TRAPPC8: variants seen among roughly 807,000 people sequenced by gnomAD.
TRAPPC8 encodes the protein trafficking protein particle complex subunit 8.
Under a neutral mutation model 174.3 loss-of-function variants are expected in TRAPPC8, and 54 were observed. That is an observed-to-expected ratio of 0.31 (90% CI 0.25 to 0.39). The LOEUF (loss-of-function observed/expected upper bound fraction) is 0.39. Ranked by LOEUF, TRAPPC8 falls within the 10% of genes least tolerant of loss-of-function variation. The probability of loss-of-function intolerance (pLI) is 1.00; values close to 1 mark genes in which losing one functional copy is unlikely to be tolerated. For synonymous variants in TRAPPC8, 630 were observed against 579.9 expected, an observed-to-expected ratio of 1.09 and a Z score of -1.24; for missense variants, 1,531 against 1,699.1, an observed-to-expected ratio of 0.90 and a Z score of 1.74.
At chr18:31,863,697 C>G (rs1212120070) in intron 19 of TRAPPC8, among the ~76,000 whole-genome samples, 2 of 152,044 alleles carry the variant, frequency 1.3e-5, no homozygotes, top group Non-Finnish European at 2.9e-5. Flanking sequence ...CTTGTAAACC[C>G]CCTACTAGAA....
At chr18:31,911,871 CAA>C (rs35950290) in intron 5 of TRAPPC8, among the ~76,000 whole-genome samples, 28 of 93,686 alleles carry the variant, frequency 3.0e-4, no homozygotes, top group Admixed American at 2.5e-4. Flanking sequence ...GATCCTGTCT[CAA>C]AAAAAAAAAA....
At chr18:31,921,339 C>A (rs1028502872) in intron 2 of TRAPPC8, among the ~76,000 whole-genome samples, 1 of 152,112 alleles carries the variant, frequency 6.6e-6, no homozygotes, top group Non-Finnish European at 1.5e-5. Flanking sequence ...TTAGGTCAGG[C>A]ACGGTGGCTC....
intron 5 of TRAPPC8, among the ~76,000 whole-genome samples, chr18:31,910,685 G>A (rs1245093734): frequency 2.0e-5 from 3 of 152,282 alleles, no homozygotes; most frequent in Non-Finnish European, 4.4e-5. Flanking sequence ...GCAGTCATTC[G>A]TAAGTTTAAA....
intron 1 of TRAPPC8, among the ~76,000 whole-genome samples, chr18:31,940,887 A>C (rs1224691315): frequency 6.6e-6 from 1 of 152,216 alleles, no homozygotes; most frequent in Non-Finnish European, 1.5e-5. Context: ...AAATACTGTC[A>C]GGAGATAAGA....
rs776283026 is a variant in TRAPPC8 at position 31,874,477 on chromosome 18, C to T, written c.1953+3G>A. 1.2e-6 allele frequency: 2 copies of T among 1,612,780 alleles called. No individual in the cohort carries two copies. The highest frequency in any genetic ancestry group is 1.7e-6 in the Non-Finnish European group (2 of 1,179,092). Reference sequence around the variant, plus strand: ...CTATTCCTGAATGAAAATAAGCAGTCACCTTGTAAACATAAAGATATTCTC... The same window carrying T: ...CTATTCCTGAATGAAAATAAGCAGTTACCTTGTAAACATAAAGATATTCTC... On this transcript the variant is annotated splice_donor_region_variant and intron_variant, in intron 13 of 28. Transcript: ENST00000283351.
chr18:31,839,203 C>A (rs1057272405), intron 27 of TRAPPC8, 109 bp downstream of exon 27: 1 of 1,099,594 alleles, frequency 9.1e-7, no homozygotes, highest in Non-Finnish European at 1.3e-6. Context: ...CAAAAACATT[C>A]TAAATTTCCT....
intron 1 of TRAPPC8, among the ~76,000 whole-genome samples, chr18:31,936,878 G>C (rs1160422990): frequency 7.1e-6 from 1 of 140,084 alleles, no homozygotes; most frequent in East Asian, 2.1e-4. Context: ...CTGCAGTCTG[G>C]GTGACAGAGC....
At chr18:31,858,206 G>A (rs2034135510) in intron 19 of TRAPPC8, among the ~76,000 whole-genome samples, 5 of 152,076 alleles carry the variant, frequency 3.3e-5, no homozygotes, top group Middle Eastern at 3.4e-3. Context: ...CTAGACTTAT[G>A]AATTAAAGGT....
chr18:31,887,517 G>C (rs888818001), intron 12 of TRAPPC8, among the ~76,000 whole-genome samples: 6 of 151,952 alleles, frequency 3.9e-5, no homozygotes, highest in African/African-American at 1.5e-4. Context: ...GTGATGGCAG[G>C]TGCCTGTAAC....
intron 27 of TRAPPC8, chr18:31,833,393 G>A (rs982772587): frequency 6.6e-6 from 1 of 152,114 alleles, no homozygotes; most frequent in Non-Finnish European, 1.5e-5. Flanking sequence ...CCAGCAAACT[G>A]TAAGTATCAT....
At position 31,880,121 on chromosome 18, in the gene TRAPPC8, A is replaced by AT. The variant is rs56728828; in HGVS notation, c.1729-5418dup. 5.1e-3 allele frequency among the ~76,000 whole-genome samples: 351 copies of AT among 69,052 alleles called. 4 individuals carry two copies. The highest frequency in any genetic ancestry group is 0.014 in the African/African-American group (236 of 16,872). The allele number at this position is 69,052 out of a possible 152,430, so 45.3% of individuals were successfully genotyped here. A position where few individuals can be genotyped will look rare whatever the true frequency, so the allele number is the denominator to read the frequency against. On this transcript the variant is annotated intron_variant, in intron 12 of 28. Coordinates refer to ENST00000283351, the MANE Select transcript of TRAPPC8 (RefSeq NM_014939.5). ...TATATATATATATATATATATATAT[A>AT]TTTTTTTTTTTTTAAGGAAGAAAGA... is the stretch of plus-strand genomic sequence containing the variant.
Position 31,839,412 on chromosome 18 carries a change from T to C in TRAPPC8, c.3883A>G (p.Ile1295Val). 1 of 1,610,004 alleles carries C rather than the reference T, an allele frequency of 6.2e-7. No homozygotes were observed. Among genetic ancestry groups the C allele is most frequent in the African/African-American group, 1.3e-5 (1 of 74,818 alleles). The change falls in exon 27 of 29, where the codon ATT (isoleucine) becomes GTT (valine). Residue 1295 changes from isoleucine (I) to valine (V), a missense_variant. Transcript: ENST00000283351. ...ELLKFFRPEN[I>V]TVSSRPSVEQ... ...ACTGATGGCCTTGAGGAAACTGTAATGTTTTCTGGCCTGAAAAATTTCAAT... is the reference window on the plus strand; with the variant it reads ...ACTGATGGCCTTGAGGAAACTGTAACGTTTTCTGGCCTGAAAAATTTCAAT...
Position 31,908,356 on chromosome 18 carries a change from G to A in TRAPPC8, c.1185C>T (p.Gly395=), listed in dbSNP as rs2036754385. The part of the protein sequence containing the change: ...LFSATKKWFS[G]SKVPEKSIND... Reference sequence around the variant, plus strand: ...TAATGCTCTTTTCTGGAACTTTACTGCCACTAAACCATTTTTTAGTTGCAG... The same window carrying A: ...TAATGCTCTTTTCTGGAACTTTACTACCACTAAACCATTTTTTAGTTGCAG... Residue 395 remains glycine, a synonymous_variant, in exon 8 of 29, where the codon GGC becomes GGT. Coordinates refer to ENST00000283351, the MANE Select transcript of TRAPPC8 (RefSeq NM_014939.5). The A allele has an allele frequency of 2.5e-6, 4 of 1,606,648 alleles. No individual in the cohort carries two copies. The Middle Eastern group carries it at 5.0e-4, about 200-fold the overall frequency.
chr18:31,942,950 A>T lies in TRAPPC8; in HGVS notation c.-186T>A. On this transcript the variant is annotated 5_prime_UTR_variant, in exon 1 of 29. Coordinates refer to ENST00000283351, the MANE Select transcript of TRAPPC8 (RefSeq NM_014939.5). ...TCGGTTTCTGGGGCACAATCCACTGACCCCCCCCTTCCCGTCACCGCCGCT... is the reference window on the plus strand; with the variant it reads ...TCGGTTTCTGGGGCACAATCCACTGTCCCCCCCCTTCCCGTCACCGCCGCT... 8.7e-7 allele frequency: 1 copy of T among 1,151,404 alleles called. No individual in the cohort carries two copies. Among genetic ancestry groups the T allele is most frequent in the Non-Finnish European group, 1.1e-6 (1 of 917,474 alleles). 71.3% of individuals were successfully genotyped at this position (1,151,404 alleles called of 1,614,324 possible).
chr18:31,913,102 T>C (rs1375697217), intron 5 of TRAPPC8, among the ~76,000 whole-genome samples: 1 of 151,428 alleles, frequency 6.6e-6, no homozygotes, highest in Non-Finnish European at 1.5e-5. Context: ...CACTCCAGCC[T>C]GGGCGACAGA....
intron 1 of TRAPPC8, among the ~76,000 whole-genome samples, chr18:31,933,721 C>G (rs183186047): frequency 1.3e-5 from 2 of 151,860 alleles, no homozygotes; most frequent in East Asian, 3.8e-4. Context: ...AAAATCAAGG[C>G]CTGCGTATAT....
chr18:31,924,046 G>A (rs2037503615), intron 2 of TRAPPC8, among the ~76,000 whole-genome samples: 1 of 152,194 alleles, frequency 6.6e-6, no homozygotes, highest in Non-Finnish European at 1.5e-5. Flanking sequence ...CACTTTAGGA[G>A]GCTGAGGTGG....
chr18:31,922,437 C>G (rs752727543), intron 2 of TRAPPC8, among the ~76,000 whole-genome samples: 3 of 150,702 alleles, frequency 2.0e-5, no homozygotes, highest in Non-Finnish European at 3.0e-5. Flanking sequence ...ACAAAAAGTA[C>G]AAAAATTAGT....
chr18:31,921,853 A>C (rs1283529957), intron 2 of TRAPPC8, among the ~76,000 whole-genome samples: 1 of 152,194 alleles, frequency 6.6e-6, no homozygotes, highest in Non-Finnish European at 1.5e-5. Context: ...GAAGAAATGA[A>C]GGGGAAATTC....
Sources: allele counts gnomAD v4.1 joint callset (sites outside exome capture counted in the v4.1 genomes callset), GRCh38; gene constraint gnomAD v4.1.1; transcripts MANE v1.5; gene names NCBI Gene and HGNC (gene_info 2026-07-23, HGNC 2026-07-21).